UHMK1: variants seen among roughly 807,000 people sequenced by gnomAD.
The protein encoded by UHMK1 is U2AF homology motif kinase 1.
Under a neutral mutation model 44.0 loss-of-function variants are expected in UHMK1, and 18 were observed. The observed-to-expected ratio is 0.41, with a 90% confidence interval of 0.28 to 0.61. The LOEUF (loss-of-function observed/expected upper bound fraction) is 0.61. Ranked by LOEUF, UHMK1 falls within the 20% of genes least tolerant of loss-of-function variation. The pLI, the probability that UHMK1 is intolerant of heterozygous loss-of-function variation, is 0.31. For missense variants in UHMK1, 463 were observed against 522.5 expected, an observed-to-expected ratio of 0.89 and a Z score of 1.11; for synonymous variants, 231 against 198.5, an observed-to-expected ratio of 1.16 and a Z score of -1.38.
intron 4 of UHMK1, among the ~76,000 whole-genome samples, chr1:162,508,371 C>A (rs1489335057): frequency 6.6e-6 from 1 of 151,744 alleles, no homozygotes; most frequent in Non-Finnish European, 1.5e-5. Context: ...CTCAGCCTCC[C>A]AAAGTGCTGG....
chr1:162,510,415 TTCTC>T (rs1044155930), intron 4 of UHMK1, among the ~76,000 whole-genome samples: 1 of 152,222 alleles, frequency 6.6e-6, no homozygotes, highest in African/African-American at 2.4e-5. Context: ...AACACCATTC[TTCTC>T]TCTACTTCTG....
rs773516671 is a variant in UHMK1, at chr1:162,500,019, T to G, written c.333T>G (p.Leu111=). The stretch of plus-strand genomic sequence containing the variant: ...ATGTGCCATCACGCTGTCTGTTGCT[T>G]GAACTCCTGGATGTCAGTGTTTCGG... ...SPNVPSRCLL[L]ELLDVSVSEL... Residue 111 remains leucine, a synonymous_variant, in exon 2 of 8, where the codon CTT becomes CTG. Transcript: ENST00000489294. 1 of 1,614,252 alleles carries G rather than the reference T, an allele frequency of 6.2e-7. No individual in the cohort carries two copies. Among genetic ancestry groups the G allele is most frequent in the Non-Finnish European group, 8.5e-7 (1 of 1,180,042 alleles).
chr1:162,518,095 T>A lies in UHMK1; in HGVS notation c.1025-7T>A. 1.3e-6 allele frequency: 2 copies of A among 1,595,968 alleles called. No individual in the cohort carries two copies. Among genetic ancestry groups the A allele is most frequent in the Non-Finnish European group, 1.7e-6 (2 of 1,163,928 alleles). ...GAGCAGTTACTGTTATGTGTTTTAA[T>A]AATCAGATGTTGTAGAAGATGTAAA... is the stretch of plus-strand genomic sequence containing the variant. On this transcript the variant is annotated splice_region_variant and splice_polypyrimidine_tract_variant and intron_variant, in intron 6 of 7. Coordinates refer to ENST00000489294, the MANE Select transcript of UHMK1 (RefSeq NM_175866.5).
upstream of UHMK1, chr1:162,497,767 C>CT (rs1257306231): frequency 3.3e-6 from 4 of 1,223,596 alleles, no homozygotes; most frequent in Non-Finnish European, 4.1e-6. Context: ...CCCTTCTGAG[C>CT]CCCCCCTCCT....
rs974913443 is a variant in UHMK1 at position 162,526,060 on chromosome 1, T to C, written c.*3510T>C. 7 of 152,196 alleles carry C rather than the reference T, an allele frequency of 4.6e-5. No individual in the cohort carries two copies. The highest frequency in any genetic ancestry group is 1.3e-4 in the Admixed American group (2 of 15,264). 9.4% of individuals were successfully genotyped at this position (152,196 alleles called of 1,614,324 possible). The stretch of plus-strand genomic sequence containing the variant: ...GGCAGAAGGCTTTTTTCTGTCTTAT[T>C]ACACTGGACCTTCACTCTGGTAAGG... On this transcript the variant is annotated 3_prime_UTR_variant, in exon 8 of 8. Transcript: ENST00000489294.
chr1:162,507,440 T>G (rs1651509043), intron 4 of UHMK1, among the ~76,000 whole-genome samples: 1 of 151,680 alleles, frequency 6.6e-6, no homozygotes, highest in Non-Finnish European at 1.5e-5. Context: ...TGATTCTATA[T>G]TATCTCTTTT....
chr1:162,499,808 TATTC>T, intron 1 of UHMK1, 143 bp from the exon 2 acceptor site: 1 of 727,220 alleles, frequency 1.4e-6, no homozygotes, highest in Non-Finnish European at 2.2e-6. Flanking sequence ...CAAAAGATCT[TATTC>T]ATGGGAAAAA....
At chr1:162,506,199 T>TAGA (rs1318047961) in intron 4 of UHMK1, among the ~76,000 whole-genome samples, 6 of 146,186 alleles carry the variant, frequency 4.1e-5, no homozygotes, top group African/African-American at 5.1e-5. Flanking sequence ...TTGACTTTCT[T>TAGA]ATTTTTATTT....
At chr1:162,498,744 A>G (rs1341256151) in intron 1 of UHMK1, among the ~76,000 whole-genome samples, 1 of 152,184 alleles carries the variant, frequency 6.6e-6, no homozygotes, top group East Asian at 1.9e-4. Context: ...GGGAGCCTTT[A>G]TAGAAGTGTG....
intron 4 of UHMK1, among the ~76,000 whole-genome samples, chr1:162,505,458 T>C (rs922912917): frequency 2.6e-5 from 4 of 152,260 alleles, no homozygotes; most frequent in Non-Finnish European, 4.4e-5. Context: ...AACACAGCTA[T>C]GTATTGTCAT....
chr1:162,497,304 G>A (rs1395566696), upstream of UHMK1: 5 of 702,484 alleles, frequency 7.1e-6, no homozygotes, highest in Admixed American at 2.0e-5. Context: ...GAGGTATGAG[G>A]CTAGTCGGAC....
In UHMK1 at chr1:162,529,405, T is replaced by C. The variant is rs1652366411; in HGVS notation, c.*6855T>C. 6.6e-6 allele frequency: 1 copy of C among 152,224 alleles called. No homozygotes were observed. The highest frequency in any genetic ancestry group is 1.5e-5 in the Non-Finnish European group (1 of 68,016). The allele number at this position is 152,224 out of a possible 1,614,324, so 9.4% of individuals were successfully genotyped here. A position where few individuals can be genotyped will look rare whatever the true frequency, so the allele number is the denominator to read the frequency against. On this transcript the variant is annotated 3_prime_UTR_variant, in exon 8 of 8. Coordinates refer to ENST00000489294, the MANE Select transcript of UHMK1 (RefSeq NM_175866.5). Reference sequence around the variant, plus strand: ...TTCCTGCTGAATAGCAAAGAACTTTTATTTTCCACTTTCCTATATTCCTAA... The same window carrying C: ...TTCCTGCTGAATAGCAAAGAACTTTCATTTTCCACTTTCCTATATTCCTAA...
chr1:162,501,926 T>TAAAAAAAAA (rs34424551), intron 3 of UHMK1, among the ~76,000 whole-genome samples: 1 of 130,314 alleles, frequency 7.7e-6, no homozygotes, highest in Non-Finnish European at 1.6e-5. Context: ...CAGTCTCTAG[T>TAAAAAAAAA]AAAAAAAAAA....
At position 162,498,247 on chromosome 1, in the gene UHMK1, T is replaced by G. The variant is rs746997068; in HGVS notation, c.247T>G (p.Leu83Val). Residue 83 changes from leucine (L) to valine (V), a missense_variant, in exon 1 of 8, where the codon TTG (leucine) becomes GTG (valine). By Grantham distance (32) the Leu-to-Val change is conservative. This residue lies in a region of UHMK1 where 191 missense variants were observed against 176.0 expected (regional missense o/e 1.09). Transcript: ENST00000489294. ...FRKERAALEQ[L>V]QGHRNIVTLY... ...CAAAGAGAGGGCGGCGCTGGAACAG[T>G]TGCAGGGTCACAGAAACATCGGTAA... 2.5e-6 allele frequency: 4 copies of G among 1,602,420 alleles called. No homozygotes were observed. Among genetic ancestry groups the G allele is most frequent in the Non-Finnish European group, 8.5e-7 (1 of 1,173,258 alleles).
chr1:162,522,688 GCCCA>G lies in UHMK1; in HGVS notation c.*139_*142del. ...TTAATCCTACTAATGTGCAGCCATT[GCCCA>G]AGCAGTGACTGCGTTGCATACATTT... On this transcript the variant is annotated 3_prime_UTR_variant, in exon 8 of 8. Coordinates refer to ENST00000489294, the MANE Select transcript of UHMK1 (RefSeq NM_175866.5). 2 of 992,334 alleles carry G rather than the reference GCCCA, an allele frequency of 2.0e-6. No homozygotes were observed. The highest frequency in any genetic ancestry group is 2.9e-6 in the Non-Finnish European group (2 of 690,312). 61.5% of individuals were successfully genotyped at this position (992,334 alleles called of 1,614,324 possible).
intron 6 of UHMK1, among the ~76,000 whole-genome samples, chr1:162,513,817 G>T (rs540007243): frequency 6.6e-6 from 1 of 152,304 alleles, no homozygotes; most frequent in South Asian, 2.1e-4. Flanking sequence ...GATTTTATCC[G>T]AGAGATAGTA....
intron 1 of UHMK1, 32 bp downstream of exon 1, chr1:162,498,300 C>G (rs1651137686): frequency 6.4e-7 from 1 of 1,557,476 alleles, no homozygotes; most frequent in South Asian, 1.2e-5. Flanking sequence ...CTCTTCTTGC[C>G]CAGGTCACAG....
intron 3 of UHMK1, 29 bp downstream of exon 3, chr1:162,501,133 G>C (rs1258341773): frequency 1.1e-5 from 17 of 1,601,958 alleles, no homozygotes; most frequent in Non-Finnish European, 1.4e-5. Flanking sequence ...TTGCTTTGGG[G>C]TCCTTACTTT....
Position 162,499,957 on chromosome 1 carries a change from A to G in UHMK1, c.271A>G (p.Thr91Ala). 6.2e-7 allele frequency: 1 copy of G among 1,613,406 alleles called. No individual in the cohort carries two copies. Among genetic ancestry groups the G allele is most frequent in the South Asian group, 1.1e-5 (1 of 90,958 alleles). ...AGTATTATAATTTCTTTTTCTAGTG[A>G]CTTTGTATGGAGTGTTTACAATCCA... ...EQLQGHRNIV[T>A]LYGVFTIHFS... Residue 91 changes from threonine to alanine, a missense_variant and splice_region_variant, in exon 2 of 8, where the codon ACT (threonine) becomes GCT (alanine). By Grantham distance (58) the Thr-to-Ala change is moderately conservative. Transcript: ENST00000489294.
Sources: gnomAD v4.1 joint callset for allele counts (sites outside exome capture counted in the v4.1 genomes callset) on GRCh38, gnomAD v4.1.1 for gene constraint, gnomAD v4.1.1 regional missense constraint, MANE v1.5 for transcripts, NCBI Gene and HGNC (gene_info 2026-07-23, HGNC 2026-07-21) for gene names.